Variants in MYBPC1 observed in about 807,000 individuals in gnomAD.
MYBPC1 encodes the protein myosin-binding protein C, slow-type.
Under a neutral mutation model 147.1 loss-of-function variants are expected in MYBPC1, and 52 were observed. The observed-to-expected ratio is 0.35, with a 90% CI of 0.28 to 0.45. The LOEUF is 0.45. Among genes scored for constraint, MYBPC1 ranks in the 20% least tolerant of loss-of-function variants. MYBPC1 has a pLI of 1.00. For missense variants in MYBPC1, 1,228 were observed against 1,440.3 expected, an observed-to-expected ratio of 0.85 and a Z score of 2.39; for synonymous variants, 477 against 475.9, an observed-to-expected ratio of 1.00 and a Z score of -0.03.
In MYBPC1 at chr12:101,670,356, C is replaced by G. The variant is rs1333473774; in HGVS notation, c.2560C>G (p.Gln854Glu). 6.2e-7 allele frequency: 1 copy of G among 1,614,126 alleles called. No homozygotes were observed. The highest frequency in any genetic ancestry group is 1.7e-5 in the Admixed American group (1 of 60,024). Residue 854 changes from glutamine to glutamate, a missense_variant, in exon 24 of 32, where the codon CAA becomes GAA. Transcript: ENST00000361466. Reference sequence around the variant, plus strand: ...GATTCGCATTCCAAGACACCTGAAGCAAACCTATATCCGCAGAGTTGGAGA... The same window carrying G: ...GATTCGCATTCCAAGACACCTGAAGGAAACCTATATCCGCAGAGTTGGAGA... ...PKIRIPRHLK[Q>E]TYIRRVGEAV...
At chr12:101,603,472 T>C (rs1334867377) in intron 1 of MYBPC1, among the ~76,000 whole-genome samples, 1 of 152,100 alleles carries the variant, frequency 6.6e-6, no homozygotes, top group Non-Finnish European at 1.5e-5. Context: ...ATGGATGTGG[T>C]GGGTGATTGA....
intron 8 of MYBPC1, among the ~76,000 whole-genome samples, chr12:101,634,144 C>G (rs933270805): frequency 2.6e-5 from 4 of 152,136 alleles, no homozygotes; most frequent in Non-Finnish European, 4.4e-5. Context: ...TCGTGATCCG[C>G]CCGCCTCGGC....
intron 1 of MYBPC1, among the ~76,000 whole-genome samples, chr12:101,612,471 C>A (rs1209077866): frequency 6.6e-6 from 1 of 151,986 alleles, no homozygotes; most frequent in Non-Finnish European, 1.5e-5. Flanking sequence ...GCCACTGAGA[C>A]GTAGTAAGAG....
intron 1 of MYBPC1, among the ~76,000 whole-genome samples, chr12:101,610,940 C>A (rs1172983631): frequency 1.3e-5 from 2 of 152,178 alleles, no homozygotes; most frequent in Admixed American, 1.3e-4. Flanking sequence ...CAAAGAGTCT[C>A]AGTTCCCACT....
At chr12:101,659,879 A>T in intron 19 of MYBPC1, 48 bp downstream of exon 19, 1 of 1,602,564 alleles carries the variant, frequency 6.2e-7, no homozygotes, top group Non-Finnish European at 8.5e-7. Context: ...TGACATGTCA[A>T]GATTCAGAGT....
At position 101,636,778 on chromosome 12, in the gene MYBPC1, A is replaced by G. The variant is rs760198179; in HGVS notation, c.665+50A>G. On this transcript the variant is annotated intron_variant, in intron 10 of 31. Transcript: ENST00000361466. Reference sequence around the variant, plus strand: ...ACATTGTGGCCTGGAAGTCTTTCAGACACCCACTCAGAGAAGTCAAGTTTA... The same window carrying G: ...ACATTGTGGCCTGGAAGTCTTTCAGGCACCCACTCAGAGAAGTCAAGTTTA... 5 of 1,476,520 alleles carry G rather than the reference A, an allele frequency of 3.4e-6. No individual in the cohort carries two copies. The South Asian group carries it at 4.5e-5, about 13-fold the overall frequency. 91.5% of individuals were successfully genotyped at this position (1,476,520 alleles called of 1,614,324 possible). A position where few individuals can be genotyped will look rare whatever the true frequency, so the allele number is the denominator to read the frequency against.
chr12:101,612,933 A>G (rs1353877970), intron 1 of MYBPC1, among the ~76,000 whole-genome samples: 1 of 152,228 alleles, frequency 6.6e-6, no homozygotes. Context: ...CATTTCTGAC[A>G]ATGCCATCCA....
At chr12:101,675,977 A>G (rs1566007836) in intron 26 of MYBPC1, among the ~76,000 whole-genome samples, 1 of 152,248 alleles carries the variant, frequency 6.6e-6, no homozygotes, top group Non-Finnish European at 1.5e-5. Flanking sequence ...AAAAGAGCTT[A>G]ATGCAAACTT....
Position 101,617,248 on chromosome 12 carries a change from G to C in MYBPC1, c.103+5G>C. ...CCGGAACTACACCAGCAAAAGGTGA[G>C]TTGGAGGGAGGGAGAGTGAGGCTGA... On this transcript the variant is annotated splice_donor_5th_base_variant and intron_variant, in intron 3 of 31. Coordinates refer to ENST00000361466, the MANE Select transcript of MYBPC1 (RefSeq NM_002465.4). 6.2e-7 allele frequency: 1 copy of C among 1,613,738 alleles called. No individual in the cohort carries two copies. The highest frequency in any genetic ancestry group is 8.5e-7 in the Non-Finnish European group (1 of 1,179,788).
intron 24 of MYBPC1, among the ~76,000 whole-genome samples, chr12:101,671,783 A>G (rs536740756): frequency 6.6e-6 from 1 of 152,242 alleles, no homozygotes; most frequent in Non-Finnish European, 1.5e-5. Flanking sequence ...AGAGAGAAAA[A>G]ATCATGAGAA....
At chr12:101,657,503 A>G (rs1895742305) in intron 18 of MYBPC1, among the ~76,000 whole-genome samples, 1 of 152,226 alleles carries the variant, frequency 6.6e-6, no homozygotes, top group East Asian at 1.9e-4. Context: ...CAGAAATGAA[A>G]GAGGGACATT....
intron 3 of MYBPC1, among the ~76,000 whole-genome samples, chr12:101,620,500 G>A (rs1206013564): frequency 2.6e-5 from 4 of 152,196 alleles, no homozygotes; most frequent in Non-Finnish European, 5.9e-5. Flanking sequence ...ATCAACAGAG[G>A]AAGGTGGATT....
rs1491116274 is a variant in MYBPC1, at chr12:101,666,892, CAT to C, written c.2357-838_2357-837del. The C allele has an allele frequency of 0.24, 103,543 of 428,974 alleles. 9,507 individuals are homozygous for C. Among genetic ancestry groups the C allele is most frequent in the East Asian group, 0.37 (5,716 of 15,376 alleles). 26.6% of individuals were successfully genotyped at this position (428,974 alleles called of 1,614,324 possible). ...AAGCATGAAGAATACTCATCACATA[CAT>C]ACACACACACACACACACACACACA... On this transcript the variant is annotated intron_variant, in intron 22 of 31. Coordinates refer to ENST00000361466, the MANE Select transcript of MYBPC1 (RefSeq NM_002465.4).
chr12:101,623,001 G>A (rs563413314), intron 3 of MYBPC1, among the ~76,000 whole-genome samples: 1 of 152,182 alleles, frequency 6.6e-6, no homozygotes, highest in Admixed American at 6.5e-5. Flanking sequence ...TTAACATTTA[G>A]TAGACTTTGA....
chr12:101,648,121 G>A lies in MYBPC1; in HGVS notation c.1167G>A (p.Glu389=), dbSNP rs1893612094. Residue 389 remains glutamate, a synonymous_variant, in exon 14 of 32, where the codon GAG becomes GAA. Coordinates refer to ENST00000361466, the MANE Select transcript of MYBPC1 (RefSeq NM_002465.4). ...YCGERVELEC[E]VSEDDANVKW... is the part of the protein sequence containing the mutation. ...GGGAGAGAGTGGAATTAGAATGTGA[G>A]GTGTCTGAAGATGATGCCAATGTAA... is the stretch of plus-strand genomic sequence containing the variant. 1 of 1,612,400 alleles carries A rather than the reference G, an allele frequency of 6.2e-7. No homozygotes were observed.
chr12:101,639,558 G>A (rs1891628530), intron 10 of MYBPC1, among the ~76,000 whole-genome samples: 1 of 152,206 alleles, frequency 6.6e-6, no homozygotes, highest in African/African-American at 2.4e-5. Context: ...GTTCTTATAT[G>A]AAATTTGATA....
intron 6 of MYBPC1, among the ~76,000 whole-genome samples, chr12:101,629,822 G>A (rs1190901024): frequency 2.0e-5 from 3 of 151,800 alleles, no homozygotes; most frequent in Non-Finnish European, 4.4e-5. Context: ...GCAGTGAACC[G>A]AGATCGCGCC....
chr12:101,684,511 C>G (rs1201887070), intron 31 of MYBPC1, 87 bp downstream of exon 31: 1 of 1,001,200 alleles, frequency 1.0e-6, no homozygotes, highest in Non-Finnish European at 1.5e-6. Context: ...ATTTTCATTA[C>G]ATAATCCAAT....
At chr12:101,685,422 A>T (rs1361311583) in intron 31 of MYBPC1, among the ~76,000 whole-genome samples, 160 bp from the exon 32 acceptor site, 1 of 152,196 alleles carries the variant, frequency 6.6e-6, no homozygotes, top group Non-Finnish European at 1.5e-5. Flanking sequence ...AAATGTACTA[A>T]ATCCAGGAGA....
Sources: gnomAD v4.1 joint callset for allele counts (sites outside exome capture counted in the v4.1 genomes callset) on GRCh38, gnomAD v4.1.1 for gene constraint, MANE v1.5 for transcripts, NCBI Gene and HGNC (gene_info 2026-07-23, HGNC 2026-07-21) for gene names.